KCP: variants seen among roughly 807,000 people sequenced by gnomAD.
KCP encodes kielin cysteine rich BMP regulator, also known as kielin/chordin-like protein.
KCP carries 194 observed loss-of-function variants against 212.7 expected under a neutral mutation model. The ratio of observed to expected loss-of-function variants is 0.91; its 90% confidence interval spans 0.81 to 1.03. The LOEUF (loss-of-function observed/expected upper bound fraction) is 1.03, where lower values mean the gene tolerates loss of function less well. Among genes scored for constraint, KCP ranks in the 50% least tolerant of loss-of-function variants. KCP has a pLI of 0.00. For missense variants in KCP, 2,080 were observed against 2,162.5 expected, an observed-to-expected ratio of 0.96 and a Z score of 0.76; for synonymous variants, 833 against 865.3, an observed-to-expected ratio of 0.96 and a Z score of 0.65.
Position 128,892,787 on chromosome 7 carries a change from G to A in KCP, c.1428C>T (p.Cys476=), listed in dbSNP as rs550552592. The part of the protein sequence containing the change: ...CQHPTQPPGA[C]CPSCDSCTYH... Reference sequence around the variant, plus strand: ...AGGTGCAGCTGTCACAGCTGGGGCAGCAGGCACCTGGGTGGGGCAGGCTGG... The same window carrying A: ...AGGTGCAGCTGTCACAGCTGGGGCAACAGGCACCTGGGTGGGGCAGGCTGG... Residue 476 remains cysteine (C), a synonymous_variant, in exon 15 of 40, where the codon TGC becomes TGT. Transcript: ENST00000610776. 2.1e-5 allele frequency: 33 copies of A among 1,551,682 alleles called. No homozygotes were observed. In the South Asian group the frequency reaches 3.8e-4, roughly 18 times the overall value.
intron 21 of KCP, chr7:128,890,077 A>C: frequency 1.3e-4 from 64 of 484,730 alleles, no homozygotes; most frequent in Non-Finnish European, 1.8e-4. Flanking sequence ...AGGCACCACG[A>C]CCAGCTGATT....
At position 128,890,942 on chromosome 7, in the gene KCP, C is replaced by A; in HGVS notation, c.2127G>T (p.Ala709=). ...GGCAGCAAGGCCCCTGGCGCGGGTG[C>A]GCGCAGGGCGCGGGCGGGCAGGGCA... ...QRLPCPPAPC[A]HPRQGPCCPS... The change falls in exon 20 of 40, where the codon GCG becomes GCT. Residue 709 remains alanine, a synonymous_variant. Transcript: ENST00000610776. The A allele has an allele frequency of 3.2e-6, 4 of 1,246,120 alleles. No individual in the cohort carries two copies. The highest frequency in any genetic ancestry group is 4.0e-6 in the Non-Finnish European group (4 of 999,668). 77.2% of individuals were successfully genotyped at this position (1,246,120 alleles called of 1,614,324 possible). A position where few individuals can be genotyped will look rare whatever the true frequency, so the allele number is the denominator to read the frequency against.
At position 128,906,358 on chromosome 7, in the gene KCP, A is replaced by C. The variant is rs181986959; in HGVS notation, c.492T>G (p.Gly164=). 1,016 of 1,548,552 alleles carry C rather than the reference A, an allele frequency of 6.6e-4. 4 individuals are homozygous for C. The African/African-American group carries it at 0.011, about 17-fold the overall frequency. ...ATGGCTTCTGGTTGCAAGTGATGGT[A>C]CCTTCCTGTGGGAGCAGACTGAGGT... ...DACTTCRCLE[G]TITCNQKPCP... Residue 164 remains glycine (G), a synonymous_variant, in exon 5 of 40, where the codon GGT becomes GGG. Coordinates refer to ENST00000610776, the MANE Select transcript of KCP (RefSeq NM_001366122.1).
rs1283856069 is a variant in KCP, at chr7:128,890,458, A to T, written c.2220T>A (p.Thr740=). Residue 740 remains threonine, a synonymous_variant, in exon 21 of 40, where the codon ACT becomes ACA. Transcript: ENST00000610776. ...AGCAAAGGCAGAGGTGGCAGGCAGC[A>T]GTGGGCGATGGGAAGCGCTCCCCGC... ...FASGERFPSP[T]AACHLCLCWE... is the part of the protein sequence containing the mutation. The T allele has an allele frequency of 1.2e-5, 18 of 1,550,892 alleles. No individual in the cohort carries two copies. Among genetic ancestry groups the T allele is most frequent in the African/African-American group, 2.7e-5 (2 of 73,020 alleles).
In KCP at chr7:128,877,029, G is replaced by A. The variant is rs759086004; in HGVS notation, c.*14C>T. On this transcript the variant is annotated 3_prime_UTR_variant, in exon 40 of 40. Coordinates refer to ENST00000610776, the MANE Select transcript of KCP (RefSeq NM_001366122.1). ...CTCCTGGCCTGATGAACCCTTATCA[G>A]GCACTGTCCTGGCTCAGGGTGTCTC... The A allele has an allele frequency of 6.5e-7, 1 of 1,536,748 alleles. No individual in the cohort carries two copies. The highest frequency in any genetic ancestry group is 2.2e-5 in the Admixed American group (1 of 46,194).
rs1381686057 is a variant in KCP, at chr7:128,880,053, G to A, written c.3792C>T (p.Cys1264=). The change falls in exon 35 of 40, where the codon TGC becomes TGT. Residue 1264 remains cysteine, a synonymous_variant. Coordinates refer to ENST00000610776, the MANE Select transcript of KCP (RefSeq NM_001366122.1). Reference sequence around the variant, plus strand: ...CGGGCCGAGGCAGGCAGCGGGGGCAGCAGCTGCCAGGACTCAGGGCAGGGG... The same window carrying A: ...CGGGCCGAGGCAGGCAGCGGGGGCAACAGCTGCCAGGACTCAGGGCAGGGG... The part of the protein sequence containing the change: ...DKAPALSPGS[C]CPRCLPRPAS... The A allele has an allele frequency of 1.3e-6, 2 of 1,546,988 alleles. No homozygotes were observed. The highest frequency in any genetic ancestry group is 1.7e-6 in the Non-Finnish European group (2 of 1,146,082).
chr7:128,902,925 GC>G, intron 7 of KCP, 66 bp from the exon 8 acceptor site: 1 of 1,247,058 alleles, frequency 8.0e-7, no homozygotes, highest in Non-Finnish European at 1.1e-6. Flanking sequence ...GCCTCAGCCT[GC>G]CCGCCTTCCT....
Position 128,880,045 on chromosome 7 carries a change from C to A in KCP, c.3800G>T (p.Arg1267Leu). ...PALSPGSCCP[R>L]CLPRPASCMA... ...GCAGGAAGCGGGCCGAGGCAGGCAGCGGGGGCAGCAGCTGCCAGGACTCAG... is the reference window on the plus strand; with the variant it reads ...GCAGGAAGCGGGCCGAGGCAGGCAGAGGGGGCAGCAGCTGCCAGGACTCAG... The change falls in exon 35 of 40, where the codon CGC becomes CTC. Residue 1267 changes from arginine (R) to leucine (L), a missense_variant. Transcript: ENST00000610776. 1.9e-6 allele frequency: 3 copies of A among 1,547,550 alleles called. No individual in the cohort carries two copies. The highest frequency in any genetic ancestry group is 2.0e-5 in the Admixed American group (1 of 50,932).
At chr7:128,882,352 C>T (rs1031006992) in intron 29 of KCP, among the ~76,000 whole-genome samples, 2 of 152,154 alleles carry the variant, frequency 1.3e-5, no homozygotes, top group African/African-American at 4.8e-5. Context: ...TACAGTGTGG[C>T]TACAACTGCG....
chr7:128,905,010 G>A (rs563909242), intron 5 of KCP, among the ~76,000 whole-genome samples: 18 of 152,188 alleles, frequency 1.2e-4, no homozygotes, highest in African/African-American at 3.4e-4. Flanking sequence ...TTGGGGGAGC[G>A]GGGGTCAGGG....
rs1218892943 is a variant in KCP, at chr7:128,892,509, C to G, written c.1621+5G>C. On this transcript the variant is annotated splice_donor_5th_base_variant and intron_variant, in intron 16 of 39. Coordinates refer to ENST00000610776, the MANE Select transcript of KCP (RefSeq NM_001366122.1). ...TCCCCTCAGGCCCAGTGAGTGCCCA[C>G]ATACCTGGGCACCTGGGGCAACACT... 1.3e-6 allele frequency: 2 copies of G among 1,515,570 alleles called. No homozygotes were observed. Among genetic ancestry groups the G allele is most frequent in the East Asian group, 4.9e-5 (2 of 40,542 alleles). The allele number at this position is 1,515,570 out of a possible 1,614,324, so 93.9% of individuals were successfully genotyped here.
At chr7:128,886,854 G>A (rs778707254) in intron 24 of KCP, 22 bp downstream of exon 24, 20 of 1,463,968 alleles carry the variant, frequency 1.4e-5, no homozygotes, top group East Asian at 5.0e-5. Context: ...CATGGGGGCC[G>A]CGCATGAGGA....
intron 21 of KCP, 92 bp downstream of exon 21, chr7:128,890,251 T>C (rs1406397185): frequency 1.3e-6 from 2 of 1,545,828 alleles, no homozygotes; most frequent in African/African-American, 1.4e-5. Flanking sequence ...ATAAATATTT[T>C]AGATCCACCC....
chr7:128,890,122 G>T, intron 21 of KCP: 1 of 707,202 alleles, frequency 1.4e-6, no homozygotes, highest in Non-Finnish European at 2.3e-6. Flanking sequence ...ATCTCTCTAT[G>T]TTGCCCAGGC....
At position 128,891,069 on chromosome 7, in the gene KCP, C is replaced by G; in HGVS notation, c.2000G>C (p.Arg667Pro). The change falls in exon 20 of 40, where the codon CGG (arginine) becomes CCG (proline). Residue 667 changes from arginine to proline, a missense_variant. Arg to Pro is a moderately radical substitution (Grantham distance 103). Coordinates refer to ENST00000610776, the MANE Select transcript of KCP (RefSeq NM_001366122.1). ...PAAPAPAGCP[R>P]PGAAHARHQE... ...GTGGCGGGCGTGGGCCGCGCCGGGC[C>G]GTGGGCAGCCGGCGGGGGCTGGGGC... 7.1e-6 allele frequency: 10 copies of G among 1,413,288 alleles called. No homozygotes were observed. The highest frequency in any genetic ancestry group is 9.2e-6 in the Non-Finnish European group (10 of 1,091,228). The allele number at this position is 1,413,288 out of a possible 1,614,324, so 87.5% of individuals were successfully genotyped here.
In KCP at chr7:128,877,734, C is replaced by T. The variant is rs375356208; in HGVS notation, c.4368G>A (p.Pro1456=). 20 of 1,550,810 alleles carry T rather than the reference C, an allele frequency of 1.3e-5. No homozygotes were observed. Among genetic ancestry groups the T allele is most frequent in the African/African-American group, 9.6e-5 (7 of 73,060 alleles). Residue 1456 remains proline, a synonymous_variant, in exon 39 of 40, where the codon CCG becomes CCA. Coordinates refer to ENST00000610776, the MANE Select transcript of KCP (RefSeq NM_001366122.1). ...RPCSAGREVD[P]CRAAGYRARR... ...TGGCACGGTAACCTGCTGCCCGGCA[C>T]GGATCCACCTCTCGGCCTGCAGAAC... is the stretch of plus-strand genomic sequence containing the variant.
At chr7:128,894,857 C>A (rs915896578) in intron 8 of KCP, among the ~76,000 whole-genome samples, 3 of 152,174 alleles carry the variant, frequency 2.0e-5, no homozygotes, top group Non-Finnish European at 4.4e-5. Context: ...ATCCACCTGT[C>A]TTGGTCTCCC....
At chr7:128,886,609 T>C in intron 25 of KCP, 46 bp downstream of exon 25, 1 of 1,549,856 alleles carries the variant, frequency 6.5e-7, no homozygotes, top group Admixed American at 2.0e-5. Flanking sequence ...GGCCCAGAGG[T>C]GCTATGGTCC....
At chr7:128,908,237 A>C (rs1231704411) in intron 2 of KCP, among the ~76,000 whole-genome samples, 189 bp downstream of exon 2, 1 of 123,190 alleles carries the variant, frequency 8.1e-6, no homozygotes, top group Non-Finnish European at 1.6e-5. Context: ...GGAAAGAAGA[A>C]AGGAAGAAAG....
Sources: gnomAD v4.1 joint callset for allele counts (sites outside exome capture counted in the v4.1 genomes callset) on GRCh38, gnomAD v4.1.1 for gene constraint, MANE v1.5 for transcripts, NCBI Gene and HGNC (gene_info 2026-07-23, HGNC 2026-07-21) for gene names.